The following PC variants were observed in gnomAD, a reference collection of about 807,000 sequenced individuals.
PC encodes the protein pyruvate carboxylase, also known as pyruvate carboxylase, mitochondrial.
In PC, 46 loss-of-function variants were observed where a neutral mutation model predicts 107.8. The observed-to-expected ratio is 0.43, with a 90% CI of 0.34 to 0.55. The LOEUF (loss-of-function observed/expected upper bound fraction) is 0.55. PC is among the 20% of genes least tolerant of loss of function. PC has a pLI of 0.04. For missense variants in PC, 1,241 were observed against 1,643.1 expected, an observed-to-expected ratio of 0.76 and a Z score of 4.23; for synonymous variants, 662 against 684.7, an observed-to-expected ratio of 0.97 and a Z score of 0.52.
chr11:66,858,015 G>A lies in PC; in HGVS notation c.1369-4632C>T, dbSNP rs758732410. ...TGCCATCACCCGCATTGGGGCCCGCGCCTTTGGGGACCTCGAGAGCCTGCG... is the reference window on the plus strand; with the variant it reads ...TGCCATCACCCGCATTGGGGCCCGCACCTTTGGGGACCTCGAGAGCCTGCG... On this transcript the variant is annotated intron_variant, in intron 12 of 22. Coordinates refer to ENST00000393960, the MANE Select transcript of PC (RefSeq NM_001040716.2). The surrounding 1 kb of genome is among the most constrained non-coding windows in gnomAD (Gnocchi z 5.9). 8 of 1,612,212 alleles carry A rather than the reference G, an allele frequency of 5.0e-6. No individual in the cohort carries two copies. Among genetic ancestry groups the A allele is most frequent in the South Asian group, 3.3e-5 (3 of 91,088 alleles).
intron 12 of PC, among the ~76,000 whole-genome samples, chr11:66,861,195 C>T (rs1195147257): frequency 2.6e-5 from 4 of 152,208 alleles, no homozygotes; most frequent in African/African-American, 9.6e-5. Flanking sequence ...TCTGCTAGGA[C>T]CCCTGGCCAG....
chr11:66,849,393 CAG>C (rs760307612), intron 21 of PC, 23 bp from the exon 22 acceptor site: 2 of 1,611,524 alleles, frequency 1.2e-6, no homozygotes, highest in Admixed American at 1.7e-5. Flanking sequence ...TGTGCAGACT[CAG>C]AGCTGGACGC....
intron 3 of PC, among the ~76,000 whole-genome samples, chr11:66,877,309 C>T (rs1403599813): frequency 6.6e-6 from 1 of 152,190 alleles, no homozygotes; most frequent in Non-Finnish European, 1.5e-5. Flanking sequence ...TTGCTTGAGC[C>T]TGTGAGGCGG....
chr11:66,872,910 G>A (rs1475446894), intron 3 of PC, among the ~76,000 whole-genome samples: 2 of 151,686 alleles, frequency 1.3e-5, no homozygotes, highest in Non-Finnish European at 2.9e-5. Context: ...GGTGGCACAC[G>A]CCTGTAATTC....
At chr11:66,930,131 G>C (rs1948811269) in intron 3 of PC, among the ~76,000 whole-genome samples, 1 of 151,516 alleles carries the variant, frequency 6.6e-6, no homozygotes, top group African/African-American at 2.4e-5. Flanking sequence ...CTGTCCCCAA[G>C]AGCTACCTGC....
chr11:66,851,429 G>A (rs370428966), intron 16 of PC, 149 bp from the exon 17 acceptor site: 2 of 1,206,570 alleles, frequency 1.7e-6, no homozygotes. Context: ...ACAGGCGGGG[G>A]GTGGCCACAC....
At chr11:66,931,835 G>A (rs1948862699) in intron 3 of PC, among the ~76,000 whole-genome samples, 1 of 152,008 alleles carries the variant, frequency 6.6e-6, no homozygotes, top group Non-Finnish European at 1.5e-5. Context: ...GGCTAACACG[G>A]TGAAACCCCA....
chr11:66,948,669 G>A (rs527598116), intron 3 of PC, among the ~76,000 whole-genome samples: 3 of 152,036 alleles, frequency 2.0e-5, no homozygotes, highest in Admixed American at 1.3e-4. Flanking sequence ...GTGAAACCCC[G>A]TCTCCACAAA....
rs751225998 is a variant in PC at position 66,849,781 on chromosome 11, CCTT to C, written c.2974_2976del (p.Lys992del). On this transcript the variant is annotated inframe_deletion, in exon 21 of 23. Transcript: ENST00000393960. ...TCCTCCCCATGCCGGTCTACCAGCT[CCTT>C]CTCCAGTGCCTGCAGATCCAGGGGA... 29 of 1,614,036 alleles carry C rather than the reference CCTT, an allele frequency of 1.8e-5. No homozygotes were observed. Among genetic ancestry groups the C allele is most frequent in the Non-Finnish European group, 2.5e-5 (29 of 1,180,034 alleles).
intron 3 of PC, among the ~76,000 whole-genome samples, chr11:66,921,452 G>A (rs1215014781): frequency 1.3e-5 from 2 of 152,160 alleles, no homozygotes; most frequent in African/African-American, 4.8e-5. Context: ...ACTGGGGTAG[G>A]AAAAATAAAA....
In PC at chr11:66,870,225, C is replaced by A; in HGVS notation, c.903+77G>T. 6.3e-7 allele frequency: 1 copy of A among 1,578,062 alleles called. No individual in the cohort carries two copies. Among genetic ancestry groups the A allele is most frequent in the Admixed American group, 1.7e-5 (1 of 59,770 alleles). ...GAAGGGGACTCAGGGTCCCCTTCCC[C>A]AACCAGCGCCCCACTGTGAGGCCTG... On this transcript the variant is annotated intron_variant, in intron 9 of 22. Transcript: ENST00000393960. This position sits in a 1 kb window ranked among gnomAD's most constrained non-coding sequence, Gnocchi z 6.1.
At chr11:66,881,564 C>G (rs979956282) in intron 3 of PC, among the ~76,000 whole-genome samples, 2 of 152,262 alleles carry the variant, frequency 1.3e-5, no homozygotes, top group African/African-American at 2.4e-5. Context: ...CCGCTCCTGA[C>G]AGAGCTGCCG....
In PC at chr11:66,933,254, A is replaced by G. The variant is rs202147760; in HGVS notation, c.-1+19176T>C. Reference sequence around the variant, plus strand: ...CAGATGAGATGCAACTGTCTCACCCAGAAACCGTCAGATGAGGAGAAATGG... The same window carrying G: ...CAGATGAGATGCAACTGTCTCACCCGGAAACCGTCAGATGAGGAGAAATGG... On this transcript the variant is annotated intron_variant, in intron 3 of 22. Coordinates refer to ENST00000393960, the MANE Select transcript of PC (RefSeq NM_001040716.2). Among the ~76,000 whole-genome samples, 13 of 152,256 alleles carry G rather than the reference A, an allele frequency of 8.5e-5. No individual in the cohort carries two copies. In the East Asian group the frequency reaches 2.1e-3, roughly 25 times the overall value.
chr11:66,922,995 G>T (rs1006099636), intron 3 of PC, among the ~76,000 whole-genome samples: 3 of 152,178 alleles, frequency 2.0e-5, no homozygotes, highest in African/African-American at 4.8e-5. Flanking sequence ...CACCATTGCT[G>T]CCACATCCCA....
At chr11:66,860,156 A>C (rs1256940965) in intron 12 of PC, 1 of 1,548,538 alleles carries the variant, frequency 6.5e-7, no homozygotes, top group Non-Finnish European at 8.7e-7. Flanking sequence ...GCCGGGGGGT[A>C]GGAGGCAGCG....
Position 66,913,711 on chromosome 11 carries a change from CG to C in PC, c.-1+38718del, listed in dbSNP as rs1416171659. On this transcript the variant is annotated intron_variant, in intron 3 of 22. Transcript: ENST00000393960. ...AGAAAGAAATACTGCAGCCATCTCC[CG>C]GAACTGGGCCCCAGGACGACTCCAC... is the stretch of plus-strand genomic sequence containing the variant. 7.2e-5 allele frequency among the ~76,000 whole-genome samples: 11 copies of C among 151,816 alleles called. No homozygotes were observed. The East Asian group carries it at 2.1e-3, about 29-fold the overall frequency.
intron 3 of PC, among the ~76,000 whole-genome samples, chr11:66,894,808 G>A (rs1220737434): frequency 1.3e-5 from 2 of 152,186 alleles, no homozygotes; most frequent in African/African-American, 4.8e-5. Context: ...GATCACCTGA[G>A]GTCAGGAGTT....
intron 3 of PC, among the ~76,000 whole-genome samples, chr11:66,908,834 G>A (rs917945089): frequency 2.0e-5 from 3 of 152,174 alleles, no homozygotes; most frequent in Non-Finnish European, 4.4e-5. Context: ...CGCGTTAACT[G>A]AAAAGTCAGG....
chr11:66,892,365 T>C (rs1947609239), intron 3 of PC, among the ~76,000 whole-genome samples: 1 of 152,056 alleles, frequency 6.6e-6, no homozygotes, highest in South Asian at 2.1e-4. Context: ...TCAATGTGAC[T>C]CATCAAGGCT....
Sources: gnomAD v4.1 joint callset for allele counts (sites outside exome capture counted in the v4.1 genomes callset) on GRCh38, gnomAD v4.1.1 for gene constraint, Gnocchi (gnomAD v3.1) non-coding constraint, MANE v1.5 for transcripts, NCBI Gene and HGNC (gene_info 2026-07-23, HGNC 2026-07-21) for gene names.